Variants in NTM observed in about 807,000 individuals in gnomAD.
NTM encodes neurotrimin, also known as IgLON family member 2.
In NTM, 13 loss-of-function variants were observed where a neutral mutation model predicts 42.1. The ratio of observed to expected loss-of-function variants is 0.31; its 90% CI spans 0.20 to 0.49. The LOEUF (loss-of-function observed/expected upper bound fraction) is 0.49, where lower values mean the gene tolerates loss of function less well. Among genes scored for constraint, NTM ranks in the 20% least tolerant of loss-of-function variants. The probability of loss-of-function intolerance (pLI) is 0.99; values close to 1 mark genes in which losing one functional copy is unlikely to be tolerated. For synonymous variants in NTM, 187 were observed against 179.2 expected, an observed-to-expected ratio of 1.04 and a Z score of -0.35; for missense variants, 373 against 452.8, an observed-to-expected ratio of 0.82 and a Z score of 1.60.
In NTM at chr11:131,370,906, AT is replaced by A; in HGVS notation, c.82+21del. 3 of 1,613,272 alleles carry A rather than the reference AT, an allele frequency of 1.9e-6. No homozygotes were observed. Among genetic ancestry groups the A allele is most frequent in the Admixed American group, 3.3e-5 (2 of 59,768 alleles). On this transcript the variant is annotated intron_variant, in intron 1 of 8. Transcript: ENST00000683400. ...CTTCCAAGGTAAGAGCTTGCTATTG[AT>A]TTGCCTTCGGTAGACCCAGGAATTG...
intron 1 of NTM, among the ~76,000 whole-genome samples, chr11:131,437,288 T>C (rs539301304): frequency 1.3e-5 from 2 of 152,228 alleles, no homozygotes; most frequent in African/African-American, 2.4e-5. Context: ...GTTCTGTAGA[T>C]GTCTATTAGG....
At chr11:131,789,599 A>AAGGAGAAGAAGAAGG (rs1565552543) in intron 1 of NTM, among the ~76,000 whole-genome samples, 1 of 71,226 alleles carries the variant, frequency 1.4e-5, no homozygotes, top group African/African-American at 6.3e-5. Context: ...GAAGAAGAAG[A>AAGGAGAAGAAGAAGG]AGAAGAAGAA....
intron 6 of NTM, among the ~76,000 whole-genome samples, chr11:132,312,033 T>TAGTC (rs2095295947): frequency 6.6e-6 from 1 of 152,202 alleles, no homozygotes; most frequent in African/African-American, 2.4e-5. Flanking sequence ...TTTAGTGGTT[T>TAGTC]AGTCAGTTTT....
intron 2 of NTM, among the ~76,000 whole-genome samples, chr11:132,093,168 C>T (rs1048460967): frequency 2.0e-5 from 3 of 152,090 alleles, no homozygotes; most frequent in African/African-American, 7.2e-5. Flanking sequence ...TCATTTCTAC[C>T]CTCGAATCTT....
chr11:131,598,101 C>T (rs2059971863), intron 1 of NTM, among the ~76,000 whole-genome samples: 1 of 152,188 alleles, frequency 6.6e-6, no homozygotes, highest in Non-Finnish European at 1.5e-5. Flanking sequence ...GAGCTCAGAC[C>T]CTGCCCTTTC....
chr11:131,557,752 G>C (rs910944876), intron 1 of NTM, among the ~76,000 whole-genome samples: 26 of 150,356 alleles, frequency 1.7e-4, no homozygotes, highest in African/African-American at 6.1e-4. Context: ...AGCAGGGGGT[G>C]TGGGGGTATG....
chr11:132,100,916 T>C (rs997638152), intron 2 of NTM, among the ~76,000 whole-genome samples: 8 of 152,210 alleles, frequency 5.3e-5, no homozygotes, highest in Admixed American at 3.3e-4. Context: ...TTGACAGCTT[T>C]TTCCATTCAG....
chr11:131,507,397 T>C (rs1263355529), intron 1 of NTM, among the ~76,000 whole-genome samples: 1 of 151,436 alleles, frequency 6.6e-6, no homozygotes, highest in Non-Finnish European at 1.5e-5. Context: ...GAGGGCTCTG[T>C]TCTGTTCCAT....
At position 131,601,754 on chromosome 11, in the gene NTM, G is replaced by A. The variant is rs112689087; in HGVS notation, c.82+230866G>A. On this transcript the variant is annotated intron_variant, in intron 1 of 8. Coordinates refer to ENST00000683400, the MANE Select transcript of NTM (RefSeq NM_001352005.2). Reference sequence around the variant, plus strand: ...GTGTCTGACTCATTGGGATGAGAGAGAATGGCTTTTCTGTCCTCATTTTTA... The same window carrying A: ...GTGTCTGACTCATTGGGATGAGAGAAAATGGCTTTTCTGTCCTCATTTTTA... 1.4e-3 allele frequency among the ~76,000 whole-genome samples: 206 copies of A among 152,304 alleles called. 4 individuals are homozygous for A. The highest frequency in any genetic ancestry group is 4.9e-3 in the African/African-American group (202 of 41,582).
At chr11:131,520,958 G>A (rs1232689154) in intron 1 of NTM, among the ~76,000 whole-genome samples, 3 of 152,104 alleles carry the variant, frequency 2.0e-5, no homozygotes, top group African/African-American at 7.2e-5. Context: ...GGAAGCTTCC[G>A]ATCATGATGG....
rs999670845 is a variant in NTM, at chr11:131,404,127, C to T, written c.82+33239C>T. 9.2e-5 allele frequency among the ~76,000 whole-genome samples: 14 copies of T among 152,154 alleles called. No homozygotes were observed. The East Asian group carries it at 2.7e-3, about 29-fold the overall frequency. ...CTACAAACACGTTTCTGCTCTTCTTCTCGGTAAAGCTTCTTACAATAAAGA... is the reference window on the plus strand; with the variant it reads ...CTACAAACACGTTTCTGCTCTTCTTTTCGGTAAAGCTTCTTACAATAAAGA... On this transcript the variant is annotated intron_variant, in intron 1 of 8. Transcript: ENST00000683400.
At chr11:132,019,647 T>G (rs2074019790) in intron 2 of NTM, among the ~76,000 whole-genome samples, 1 of 152,032 alleles carries the variant, frequency 6.6e-6, no homozygotes, top group Non-Finnish European at 1.5e-5. Context: ...TTTACATGCC[T>G]TCTTTCTTAT....
intron 1 of NTM, among the ~76,000 whole-genome samples, chr11:131,790,098 A>G (rs561547173): frequency 6.6e-6 from 1 of 152,274 alleles, no homozygotes; most frequent in South Asian, 2.1e-4. Context: ...ATTTCAAAGT[A>G]CAGATTAAAA....
rs375759515 is a variant in NTM at position 132,217,358 on chromosome 11, CTGTG to C, written c.526+5241_526+5244del. On this transcript the variant is annotated intron_variant, in intron 4 of 8. Coordinates refer to ENST00000683400, the MANE Select transcript of NTM (RefSeq NM_001352005.2). ...CCTCTTTCTCTCTCTCTCTCTCTTT[CTGTG>C]TGTGTGTGTGTGTGTGTGTGTGTGT... is the stretch of plus-strand genomic sequence containing the variant. Among the ~76,000 whole-genome samples the C allele has an allele frequency of 8.7e-3, 1,248 of 142,726 alleles. 9 individuals carry two copies. Among genetic ancestry groups the C allele is most frequent in the African/African-American group, 0.022 (850 of 38,316 alleles). 93.6% of individuals were successfully genotyped at this position (142,726 alleles called of 152,430 possible). A position where few individuals can be genotyped will look rare whatever the true frequency, so the allele number is the denominator to read the frequency against.
Position 131,761,893 on chromosome 11 carries a change from C to G in NTM, c.83-149671C>G, listed in dbSNP as rs997191350. Among the ~76,000 whole-genome samples the G allele has an allele frequency of 5.3e-5, 8 of 150,614 alleles. No homozygotes were observed. The South Asian group carries it at 1.1e-3, about 20-fold the overall frequency. On this transcript the variant is annotated intron_variant, in intron 1 of 8. Transcript: ENST00000683400. ...GCAGAGGAGGAAGAGCGCGCATGCT[C>G]TCTCTGTCTCCTCTCTCTGTCTCTC...
intron 2 of NTM, among the ~76,000 whole-genome samples, chr11:132,054,406 G>T (rs1437101392): frequency 6.6e-6 from 1 of 152,200 alleles, no homozygotes; most frequent in Non-Finnish European, 1.5e-5. Context: ...AATGCCATTT[G>T]TCTGCGCTTA....
chr11:131,867,357 G>GTT (rs2047324035), intron 1 of NTM, among the ~76,000 whole-genome samples: 1 of 152,106 alleles, frequency 6.6e-6, no homozygotes, highest in Non-Finnish European at 1.5e-5. Flanking sequence ...CTGCCTGTAT[G>GTT]TTTGTCTGTG....
intron 1 of NTM, among the ~76,000 whole-genome samples, chr11:131,619,801 A>G (rs2062335561): frequency 6.6e-6 from 1 of 151,896 alleles, no homozygotes; most frequent in Non-Finnish European, 1.5e-5. Flanking sequence ...GGTAACATCT[A>G]CCGCTAAACA....
chr11:131,999,444 A>C (rs893535317), intron 2 of NTM, among the ~76,000 whole-genome samples: 1 of 152,210 alleles, frequency 6.6e-6, no homozygotes, highest in Non-Finnish European at 1.5e-5. Context: ...TAAGAAAGGA[A>C]GAAAAGAAGG....
Sources: allele counts gnomAD v4.1 joint callset (sites outside exome capture counted in the v4.1 genomes callset), GRCh38; gene constraint gnomAD v4.1.1; transcripts MANE v1.5; gene names NCBI Gene and HGNC (gene_info 2026-07-23, HGNC 2026-07-21).